Variants in TMC5 observed in about 807,000 individuals in gnomAD.
The protein encoded by TMC5 is transmembrane channel like 5.
Under a neutral mutation model 110.5 loss-of-function variants are expected in TMC5, and 86 were observed. That is an observed-to-expected ratio of 0.78 (90% CI 0.65 to 0.93). The LOEUF is 0.93. TMC5 is among the 40% of genes least tolerant of loss of function. The probability of loss-of-function intolerance (pLI) is 0.00; values close to 1 mark genes in which losing one functional copy is unlikely to be tolerated. For missense variants in TMC5, 1,144 were observed against 1,222.8 expected (o/e 0.94, Z 0.96); for synonymous variants, 455 against 439.5 (o/e 1.04, Z -0.44).
chr16:19,467,183 T>A (rs139234852), intron 9 of TMC5, among the ~76,000 whole-genome samples: 3 of 152,148 alleles, frequency 2.0e-5, no homozygotes, highest in African/African-American at 7.2e-5. Context: ...CAACATGCAA[T>A]CTCTGTATTA....
upstream of TMC5, among the ~76,000 whole-genome samples, chr16:19,414,785 C>T (rs999130986): frequency 1.3e-5 from 2 of 151,852 alleles, no homozygotes; most frequent in Non-Finnish European, 2.9e-5. Flanking sequence ...GTGGTGAGTT[C>T]CTGTAGTCCC....
intron 17 of TMC5, chr16:19,487,842 G>A (rs1038092623): frequency 1.2e-4 from 18 of 152,250 alleles, no homozygotes; most frequent in African/African-American, 3.4e-4. Context: ...AGAAGAGGGG[G>A]CACTCTATGC....
chr16:19,434,409 ATATATC>A (rs1967290761), intron 2 of TMC5, among the ~76,000 whole-genome samples: 1 of 132,134 alleles, frequency 7.6e-6, no homozygotes, highest in South Asian at 2.2e-4. Context: ...TATATATCAT[ATATATC>A]TATATATAAT....
Position 19,440,619 on chromosome 16 carries a change from G to T in TMC5, c.581G>T (p.Arg194Ile). ...SRKNLEHTSF[R>I]INPYADSLGK... ...AAGAATCTGGAACATACAAGTTTTA[G>T]AATCAATCCATACGCAGACTCTCTG... Residue 194 changes from arginine (R) to isoleucine (I), a missense_variant, in exon 3 of 22, where the codon AGA (arginine) becomes ATA (isoleucine). Coordinates refer to ENST00000542583, the MANE Select transcript of TMC5 (RefSeq NM_001261841.2). 1.2e-6 allele frequency: 2 copies of T among 1,614,198 alleles called. No homozygotes were observed. Among genetic ancestry groups the T allele is most frequent in the Non-Finnish European group, 1.7e-6 (2 of 1,180,038 alleles).
chr16:19,476,950 G>A (rs1968503772), intron 12 of TMC5: 1 of 161,740 alleles, frequency 6.2e-6, no homozygotes, highest in Non-Finnish European at 1.4e-5. Context: ...CTCCAGCTTA[G>A]AAGTGACACA....
chr16:19,452,139 C>T (rs1193280185), intron 5 of TMC5, among the ~76,000 whole-genome samples: 5 of 152,154 alleles, frequency 3.3e-5, no homozygotes, highest in Admixed American at 2.0e-4. Context: ...GGGGTTCCCA[C>T]GACCTCCTCC....
intron 6 of TMC5, chr16:19,462,461 T>G (rs1968047681): frequency 1.4e-6 from 1 of 697,974 alleles, no homozygotes; most frequent in Non-Finnish European, 2.6e-6. Context: ...ACTGGGTGAT[T>G]TATAAAGGAA....
At chr16:19,487,362 C>A in intron 17 of TMC5, 36 bp downstream of exon 17, 1 of 1,600,736 alleles carries the variant, frequency 6.2e-7, no homozygotes, top group Non-Finnish European at 8.5e-7. Flanking sequence ...GTTTTAGAGA[C>A]TGGGTGGATG....
At chr16:19,451,800 T>TTTTTATTA (rs759810239) in intron 5 of TMC5, among the ~76,000 whole-genome samples, 6 of 151,878 alleles carry the variant, frequency 4.0e-5, no homozygotes, top group African/African-American at 7.3e-5. Context: ...ACTTTTTCTT[T>TTTTTATTA]TTATTATTAT....
At position 19,469,835 on chromosome 16, in the gene TMC5, G is replaced by C. The variant is rs1277564969; in HGVS notation, c.1782+10G>C. On this transcript the variant is annotated intron_variant, in intron 10 of 21. Coordinates refer to ENST00000542583, the MANE Select transcript of TMC5 (RefSeq NM_001261841.2). ...TAGCACTGAGATAAGGGTAAGGCGA[G>C]CTCACTTTACTCATTTGCCATCGGC... 2 of 1,613,440 alleles carry C rather than the reference G, an allele frequency of 1.2e-6. No individual in the cohort carries two copies. Among genetic ancestry groups the C allele is most frequent in the Admixed American group, 1.7e-5 (1 of 59,970 alleles).
chr16:19,449,856 T>C (rs906264170), intron 5 of TMC5, among the ~76,000 whole-genome samples: 5 of 150,874 alleles, frequency 3.3e-5, no homozygotes, highest in Admixed American at 1.3e-4. Flanking sequence ...GATGTGCCCT[T>C]CTTTCCCCTA....
Position 19,479,543 on chromosome 16 carries a change from T to A in TMC5, c.2267+15T>A. ...TTTCTGAGGAGGTAAATATTTGCCA[T>A]TCTTAAGTAATTAGGGCCTGATGCT... On this transcript the variant is annotated intron_variant, in intron 14 of 21. Transcript: ENST00000542583. The A allele has an allele frequency of 4.4e-6, 7 of 1,580,124 alleles. No homozygotes were observed. Among genetic ancestry groups the A allele is most frequent in the Non-Finnish European group, 6.1e-6 (7 of 1,149,244 alleles).
chr16:19,410,598 T>A (rs1458550289), upstream of TMC5: 1 of 152,032 alleles, frequency 6.6e-6, no homozygotes, highest in Non-Finnish European at 1.5e-5. Context: ...TGAATAGAGG[T>A]CTCGGATGCC....
chr16:19,441,066 C>G (rs1327071499), intron 3 of TMC5, among the ~76,000 whole-genome samples: 1 of 152,174 alleles, frequency 6.6e-6, no homozygotes, highest in African/African-American at 2.4e-5. Flanking sequence ...GGATCACCTT[C>G]CCATTATCCC....
At chr16:19,474,067 A>G in intron 11 of TMC5, 58 bp from the exon 12 acceptor site, 1 of 1,519,874 alleles carries the variant, frequency 6.6e-7, no homozygotes, top group South Asian at 1.3e-5. Context: ...TTTTGAGTGA[A>G]GCAGAAAGGG....
chr16:19,485,616 G>A (rs1357240006), intron 15 of TMC5, among the ~76,000 whole-genome samples: 1 of 152,128 alleles, frequency 6.6e-6, no homozygotes, highest in Non-Finnish European at 1.5e-5. Context: ...ATATTTTTAA[G>A]GGAGTCTTTA....
rs559621090 is a variant in TMC5, at chr16:19,451,779, A to G, written c.1048+2148A>G. ...TCCTTCAGACCCCAGCCACATGTCCAGGCCGCCGGAACTTTTTCTTTTTAT... is the reference window on the plus strand; with the variant it reads ...TCCTTCAGACCCCAGCCACATGTCCGGGCCGCCGGAACTTTTTCTTTTTAT... On this transcript the variant is annotated intron_variant, in intron 5 of 21. Transcript: ENST00000542583. Among the ~76,000 whole-genome samples the G allele has an allele frequency of 7.9e-5, 12 of 151,884 alleles. No individual in the cohort carries two copies. The South Asian group carries it at 2.1e-3, about 26-fold the overall frequency.
At chr16:19,482,784 G>C (rs6497380) in intron 15 of TMC5, among the ~76,000 whole-genome samples, 13,434 of 152,170 alleles carry the variant, frequency 0.088, 927 homozygotes, top group African/African-American at 0.18. Flanking sequence ...TAGCCAACTG[G>C]TTGCAGCAAA....
At chr16:19,453,904 G>A (rs1159800222) in intron 5 of TMC5, among the ~76,000 whole-genome samples, 3 of 152,136 alleles carry the variant, frequency 2.0e-5, no homozygotes, top group African/African-American at 4.8e-5. Flanking sequence ...AATATTTTGA[G>A]ATGGAATCTC....
Sources: allele counts gnomAD v4.1 joint callset (sites outside exome capture counted in the v4.1 genomes callset), GRCh38; gene constraint gnomAD v4.1.1; transcripts MANE v1.5; gene names NCBI Gene and HGNC (gene_info 2026-07-23, HGNC 2026-07-21).